Variants in ARL6IP6 observed in about 807,000 individuals in gnomAD.
ARL6IP6 encodes ARF like GTPase 6 interacting protein 6.
A neutral mutation model predicts 21.5 loss-of-function variants in ARL6IP6; 22 were observed. The ratio of observed to expected loss-of-function variants is 1.02; its 90% CI spans 0.73 to 1.46. The LOEUF (loss-of-function observed/expected upper bound fraction) is 1.46, where lower values mean the gene tolerates loss of function less well. Ranked by LOEUF, ARL6IP6 falls within the 40% of genes most tolerant of loss-of-function variation. The pLI is 0.00. For missense variants in ARL6IP6, 388 were observed against 299.8 expected, an observed-to-expected ratio of 1.29 and a Z score of -2.17; for synonymous variants, 164 against 125.3, an observed-to-expected ratio of 1.31 and a Z score of -2.06.
At chr2:152,742,306 G>T (rs1311479740) in intron 3 of ARL6IP6, among the ~76,000 whole-genome samples, 2 of 152,162 alleles carry the variant, frequency 1.3e-5, no homozygotes, top group Non-Finnish European at 2.9e-5. Flanking sequence ...GGTGGCTTAT[G>T]CCTGTAATCG....
intron 2 of ARL6IP6, among the ~76,000 whole-genome samples, chr2:152,734,713 T>G (rs1473088420): frequency 2.0e-5 from 3 of 152,340 alleles, no homozygotes; most frequent in Middle Eastern, 3.4e-3. Flanking sequence ...TAGTTGAATT[T>G]TATAAAACTG....
intron 2 of ARL6IP6, among the ~76,000 whole-genome samples, chr2:152,721,694 T>G (rs181434997): frequency 7.2e-4 from 110 of 152,330 alleles, no homozygotes; most frequent in Non-Finnish European, 1.3e-3. Context: ...ATGACACATG[T>G]CCTCCCCTCT....
intron 2 of ARL6IP6, among the ~76,000 whole-genome samples, chr2:152,733,359 G>T (rs1346367621): frequency 6.6e-6 from 1 of 152,060 alleles, no homozygotes; most frequent in Admixed American, 6.6e-5. Context: ...TATGCCTCTG[G>T]ATTCAAGTGA....
upstream of ARL6IP6, chr2:152,717,779 G>A (rs1461533944): frequency 2.5e-6 from 3 of 1,219,070 alleles, no homozygotes; most frequent in Non-Finnish European, 2.1e-6. Flanking sequence ...GTGGGGCAGT[G>A]GGGGTCTGCC....
At chr2:152,723,338 C>T (rs1044069981) in intron 2 of ARL6IP6, among the ~76,000 whole-genome samples, 1 of 152,186 alleles carries the variant, frequency 6.6e-6, no homozygotes, top group South Asian at 2.1e-4. Context: ...TTATATTTCA[C>T]TATTTATTTT....
chr2:152,729,356 G>C (rs1359746353), intron 2 of ARL6IP6, among the ~76,000 whole-genome samples: 1 of 151,778 alleles, frequency 6.6e-6, no homozygotes, highest in Non-Finnish European at 1.5e-5. Context: ...GTGTGTGTGT[G>C]TGTGTACACA....
chr2:152,741,418 A>G (rs1700804236), intron 3 of ARL6IP6, among the ~76,000 whole-genome samples: 1 of 151,726 alleles, frequency 6.6e-6, no homozygotes, highest in Non-Finnish European at 1.5e-5. Context: ...TTTTAACAGA[A>G]TAGTTGAAGT....
chr2:152,741,253 A>G (rs1043334108), intron 3 of ARL6IP6, among the ~76,000 whole-genome samples: 1 of 152,100 alleles, frequency 6.6e-6, no homozygotes, highest in South Asian at 2.1e-4. Context: ...TTTAACATAT[A>G]TTTTTCCATT....
At chr2:152,750,903 G>T (rs1559242109) in intron 3 of ARL6IP6, among the ~76,000 whole-genome samples, 1 of 152,138 alleles carries the variant, frequency 6.6e-6, no homozygotes, top group South Asian at 2.1e-4. Context: ...TGTCACATTC[G>T]TATATGCAAA....
intron 2 of ARL6IP6, among the ~76,000 whole-genome samples, chr2:152,729,322 G>A (rs894870292): frequency 2.3e-5 from 3 of 129,772 alleles, no homozygotes; most frequent in Non-Finnish European, 4.9e-5. Flanking sequence ...GGGTGGCAGA[G>A]CCAGACTTTG....
intron 3 of ARL6IP6, among the ~76,000 whole-genome samples, chr2:152,744,552 G>T (rs1700961616): frequency 6.6e-6 from 1 of 152,106 alleles, no homozygotes; most frequent in Non-Finnish European, 1.5e-5. Context: ...GTAAAGAGTG[G>T]TGTCTTTTTT....
chr2:152,759,891 A>G lies in ARL6IP6; in HGVS notation c.*51A>G. 6.8e-7 allele frequency: 1 copy of G among 1,469,266 alleles called. No individual in the cohort carries two copies. Among genetic ancestry groups the G allele is most frequent in the Non-Finnish European group, 9.5e-7 (1 of 1,049,882 alleles). 91.0% of individuals were successfully genotyped at this position (1,469,266 alleles called of 1,614,324 possible). A position where few individuals can be genotyped will look rare whatever the true frequency, so the allele number is the denominator to read the frequency against. Reference sequence around the variant, plus strand: ...CAAAACTTAATCATGATTGTTTTGTAATAACAAGAAGGAGCATCACTGTCT... The same window carrying G: ...CAAAACTTAATCATGATTGTTTTGTGATAACAAGAAGGAGCATCACTGTCT... On this transcript the variant is annotated 3_prime_UTR_variant, in exon 4 of 4. Transcript: ENST00000326446.
intron 2 of ARL6IP6, among the ~76,000 whole-genome samples, chr2:152,734,322 T>C (rs1700455491): frequency 6.6e-6 from 1 of 152,120 alleles, no homozygotes; most frequent in Admixed American, 6.6e-5. Context: ...CTGAGCAAGG[T>C]TAAAGAATCA....
chr2:152,733,138 AGGGTATCT>A (rs1700400116), intron 2 of ARL6IP6, among the ~76,000 whole-genome samples: 1 of 152,190 alleles, frequency 6.6e-6, no homozygotes. Context: ...AGTCTGGTAT[AGGGTATCT>A]GGTATGGATC....
chr2:152,762,093 A>G lies in ARL6IP6; in HGVS notation c.*2253A>G, dbSNP rs1701870161. 6.6e-6 allele frequency among the ~76,000 whole-genome samples: 1 copy of G among 152,130 alleles called. No homozygotes were observed. Among genetic ancestry groups the G allele is most frequent in the Admixed American group, 6.6e-5 (1 of 15,266 alleles). ...AATGATTAGGCAAGGATAGTCACCT[A>G]ACTCTGGCTGAGCTAATCCTAATCT... On this transcript the variant is annotated 3_prime_UTR_variant, in exon 4 of 4. Coordinates refer to ENST00000326446, the MANE Select transcript of ARL6IP6 (RefSeq NM_152522.7).
intron 3 of ARL6IP6, among the ~76,000 whole-genome samples, chr2:152,756,330 A>G (rs534678931): frequency 6.6e-6 from 1 of 152,292 alleles, no homozygotes; most frequent in African/African-American, 2.4e-5. Flanking sequence ...CATTAATTTG[A>G]GATGAATTAC....
In ARL6IP6 at chr2:152,737,828, C is replaced by T. The variant is rs1051410411; in HGVS notation, c.587+2702C>T. ...AGATTTGGGTGGGGCACAGCCAAAC[C>T]ATGTCATTCTGCCCCTGACCTCTCC... On this transcript the variant is annotated intron_variant, in intron 3 of 3. Transcript: ENST00000326446. Among the ~76,000 whole-genome samples the T allele has an allele frequency of 3.9e-5, 6 of 152,006 alleles. 1 individual carries two copies. Among genetic ancestry groups the T allele is most frequent in the Admixed American group, 1.3e-4 (2 of 15,278 alleles).
Position 152,718,659 on chromosome 2 carries a change from T to C in ARL6IP6, c.35T>C (p.Leu12Pro). Reference sequence around the variant, plus strand: ...GCTGAGAGCGGGTGGCGGTCGGCTCTGCGGCGCCGCGGTCCCGGCACCCCG... The same window carrying C: ...GCTGAGAGCGGGTGGCGGTCGGCTCCGCGGCGCCGCGGTCCCGGCACCCCG... Reference protein sequence around the residue: ...SFAESGWRSALRRRGPGTPGP... With the variant: ...SFAESGWRSAPRRRGPGTPGP... Residue 12 changes from leucine (L) to proline (P), a missense_variant, in exon 1 of 4, where the codon CTG becomes CCG. Coordinates refer to ENST00000326446, the MANE Select transcript of ARL6IP6 (RefSeq NM_152522.7). The C allele has an allele frequency of 6.4e-7, 1 of 1,565,884 alleles. No individual in the cohort carries two copies. Among genetic ancestry groups the C allele is most frequent in the African/African-American group, 1.4e-5 (1 of 73,214 alleles).
intron 3 of ARL6IP6, among the ~76,000 whole-genome samples, chr2:152,754,539 GT>G (rs1701488989): frequency 6.6e-6 from 1 of 152,122 alleles, no homozygotes. Flanking sequence ...TCAGGTACAA[GT>G]TTTTGTGTGA....
Sources: gnomAD v4.1 joint callset for allele counts (sites outside exome capture counted in the v4.1 genomes callset) on GRCh38, gnomAD v4.1.1 for gene constraint, MANE v1.5 for transcripts, NCBI Gene and HGNC (gene_info 2026-07-23, HGNC 2026-07-21) for gene names.